Variants in KPNA5 observed in about 807,000 individuals in gnomAD.
The protein encoded by KPNA5 is karyopherin subunit alpha 5.
A neutral mutation model predicts 71.3 loss-of-function variants in KPNA5; 46 were observed. The ratio of observed to expected loss-of-function variants is 0.65; its 90% confidence interval spans 0.51 to 0.83. The LOEUF is 0.83. Ranked by LOEUF, KPNA5 falls within the 40% of genes least tolerant of loss-of-function variation. The pLI is 0.00. For missense variants in KPNA5, 547 were observed against 628.3 expected (o/e 0.87, Z 1.38); for synonymous variants, 207 against 201.4 (o/e 1.03, Z -0.24).
intron 1 of KPNA5, 94 bp downstream of exon 1, chr6:116,681,432 C>T (rs973473933): frequency 3.2e-5 from 47 of 1,453,262 alleles, no homozygotes; most frequent in Middle Eastern, 1.8e-4. Flanking sequence ...TTTATTTACC[C>T]CTTACTTTGC....
intron 8 of KPNA5, among the ~76,000 whole-genome samples, chr6:116,721,658 G>T (rs1173970522): frequency 1.3e-5 from 2 of 152,150 alleles, no homozygotes; most frequent in Non-Finnish European, 2.9e-5. Context: ...ACTTCCACTT[G>T]AGTACCCTTC....
chr6:116,686,887 A>G (rs531007271), intron 1 of KPNA5, among the ~76,000 whole-genome samples: 75 of 152,092 alleles, frequency 4.9e-4, no homozygotes, highest in African/African-American at 1.7e-3. Context: ...TCATTGGTCT[A>G]TGTGTCTGTT....
chr6:116,699,292 T>G (rs1239322620), intron 5 of KPNA5, among the ~76,000 whole-genome samples: 1 of 152,098 alleles, frequency 6.6e-6, no homozygotes, highest in African/African-American at 2.4e-5. Context: ...AGTTACAATT[T>G]TAAGATGTCT....
At chr6:116,710,891 A>T (rs1189568572) in intron 7 of KPNA5, among the ~76,000 whole-genome samples, 76 of 70,060 alleles carry the variant, frequency 1.1e-3, no homozygotes, top group South Asian at 3.5e-3. Flanking sequence ...ATATATATAT[A>T]TATTTTTTTT....
At chr6:116,708,745 G>A (rs1778540189) in intron 7 of KPNA5, among the ~76,000 whole-genome samples, 1 of 152,040 alleles carries the variant, frequency 6.6e-6, no homozygotes, top group East Asian at 1.9e-4. Flanking sequence ...CCTTGGTAGT[G>A]TATAGAAATA....
chr6:116,729,816 C>T (rs980947982), intron 13 of KPNA5, 75 bp downstream of exon 13: 16 of 979,260 alleles, frequency 1.6e-5, no homozygotes, highest in Non-Finnish European at 1.9e-5. Flanking sequence ...CAGTTCCCTA[C>T]AATTTTTTTG....
intron 2 of KPNA5, among the ~76,000 whole-genome samples, chr6:116,690,551 G>A (rs979513109): frequency 4.6e-5 from 7 of 151,576 alleles, no homozygotes; most frequent in African/African-American, 1.7e-4. Flanking sequence ...GCTGAGGCAG[G>A]AGAATGGCGT....
chr6:116,704,960 T>A (rs972872046), intron 6 of KPNA5, 112 bp from the exon 7 acceptor site: 3 of 639,462 alleles, frequency 4.7e-6, no homozygotes, highest in Non-Finnish European at 5.3e-6. Flanking sequence ...CTACTGTTTT[T>A]TTTTAACATA....
intron 8 of KPNA5, among the ~76,000 whole-genome samples, chr6:116,719,896 G>A (rs138355100): frequency 2.6e-4 from 40 of 152,186 alleles, no homozygotes; most frequent in African/African-American, 9.6e-4. Context: ...CTGAGTATTG[G>A]GAAAGAGCTA....
At chr6:116,716,155 T>C in intron 7 of KPNA5, 64 bp from the exon 8 acceptor site, 2 of 1,208,594 alleles carry the variant, frequency 1.7e-6, no homozygotes, top group Non-Finnish European at 2.4e-6. Context: ...AATTTTGTAT[T>C]ATGATAGCTA....
intron 4 of KPNA5, among the ~76,000 whole-genome samples, chr6:116,695,233 A>G (rs1431305605): frequency 1.3e-5 from 2 of 152,082 alleles, no homozygotes; most frequent in African/African-American, 2.4e-5. Context: ...TTGGCCTCGC[A>G]GTTATCTTTA....
At chr6:116,707,677 CTA>C (rs1320739515) in intron 7 of KPNA5, among the ~76,000 whole-genome samples, 1 of 152,176 alleles carries the variant, frequency 6.6e-6, no homozygotes. Flanking sequence ...AGCAGTATAA[CTA>C]TTTTATTTCT....
At chr6:116,703,431 T>C (rs1481310984) in intron 6 of KPNA5, among the ~76,000 whole-genome samples, 2 of 151,974 alleles carry the variant, frequency 1.3e-5, no homozygotes, top group Non-Finnish European at 2.9e-5. Context: ...CCCGGCTAGT[T>C]TTTATATTTC....
At chr6:116,706,488 G>C (rs570895606) in intron 7 of KPNA5, among the ~76,000 whole-genome samples, 5 of 151,900 alleles carry the variant, frequency 3.3e-5, no homozygotes, top group African/African-American at 1.2e-4. Flanking sequence ...TCAGGAGTTC[G>C]AGACCAGCCT....
chr6:116,701,509 A>G (rs1218658864), intron 5 of KPNA5, among the ~76,000 whole-genome samples: 1 of 152,208 alleles, frequency 6.6e-6, no homozygotes, highest in African/African-American at 2.4e-5. Context: ...TCTGTTAATA[A>G]TGAAAGCTTG....
rs79561491 is a variant in KPNA5 at position 116,728,661 on chromosome 6, A to G, written c.1254-902A>G. ...GGTATATACATCTTTTTTTTTTAAG[A>G]GGGACAGAAACTTTTATTAAATGTC... On this transcript the variant is annotated intron_variant, in intron 12 of 13. Coordinates refer to ENST00000368564, the MANE Select transcript of KPNA5 (RefSeq NM_001366306.2). Among the ~76,000 whole-genome samples the G allele has an allele frequency of 6.2e-3, 941 of 151,956 alleles. 11 individuals are homozygous for G. Among genetic ancestry groups the G allele is most frequent in the African/African-American group, 0.022 (898 of 41,434 alleles).
At position 116,702,060 on chromosome 6, in the gene KPNA5, T is replaced by G; in HGVS notation, c.477T>G (p.Thr159=). The part of the protein sequence containing the change: ...AWALTNIASG[T]FLHTKVVIET... ...CATTAACAAATATAGCATCTGGAAC[T>G]TTTCTGCATACCAAGGTAGTGATTG... The change falls in exon 6 of 14, where the codon ACT becomes ACG. Residue 159 remains threonine, a synonymous_variant. Coordinates refer to ENST00000368564, the MANE Select transcript of KPNA5 (RefSeq NM_001366306.2). The G allele has an allele frequency of 6.2e-7, 1 of 1,613,950 alleles. No individual in the cohort carries two copies. The highest frequency in any genetic ancestry group is 1.1e-5 in the South Asian group (1 of 91,046).
At chr6:116,699,260 C>T (rs910912311) in intron 5 of KPNA5, among the ~76,000 whole-genome samples, 1 of 151,844 alleles carries the variant, frequency 6.6e-6, no homozygotes, top group African/African-American at 2.4e-5. Context: ...TCATAAAGAA[C>T]ATTGGTTCTC....
Position 116,736,243 on chromosome 6 carries a change from T to C in KPNA5, c.*3920T>C, listed in dbSNP as rs1246957286. 6.6e-6 allele frequency: 1 copy of C among 151,904 alleles called. No homozygotes were observed. The highest frequency in any genetic ancestry group is 2.4e-5 in the African/African-American group (1 of 41,426). 9.4% of individuals were successfully genotyped at this position (151,904 alleles called of 1,614,324 possible). On this transcript the variant is annotated 3_prime_UTR_variant, in exon 14 of 14. Transcript: ENST00000368564. ...TGAAATATGGATATATGGTACAACA[T>C]GGATGAACATTGAAAACATTAGGCT...
Sources: gnomAD v4.1 joint callset for allele counts (sites outside exome capture counted in the v4.1 genomes callset) on GRCh38, gnomAD v4.1.1 for gene constraint, MANE v1.5 for transcripts, NCBI Gene and HGNC (gene_info 2026-07-23, HGNC 2026-07-21) for gene names.